Variants in TMEM232 observed in about 807,000 individuals in gnomAD.
TMEM232 encodes transmembrane protein 232.
Under a neutral mutation model 78.8 loss-of-function variants are expected in TMEM232, and 80 were observed. The observed-to-expected ratio is 1.01, with a 90% CI of 0.85 to 1.22. TMEM232 has a LOEUF of 1.22. TMEM232 is among the 50% of genes most tolerant of loss of function. The pLI is 0.00. For synonymous variants in TMEM232, 297 were observed against 254.3 expected (o/e 1.17, Z -1.60); for missense variants, 881 against 742.2 (o/e 1.19, Z -2.17).
intron 10 of TMEM232, among the ~76,000 whole-genome samples, chr5:110,597,830 G>A (rs1038602736): frequency 9.2e-5 from 14 of 151,998 alleles, no homozygotes; most frequent in African/African-American, 2.9e-4. Flanking sequence ...GCTGAAACTG[G>A]ATCCCTTCCC....
At chr5:110,448,076 ATAAAC>A in intron 12 of TMEM232, among the ~76,000 whole-genome samples, 1 of 152,062 alleles carries the variant, frequency 6.6e-6, no homozygotes, top group African/African-American at 2.4e-5. Context: ...TAAAGAAAAA[ATAAAC>A]TATAAGAACA....
intron 1 of TMEM232, among the ~76,000 whole-genome samples, chr5:110,699,759 T>G (rs919825185): frequency 6.6e-6 from 1 of 152,068 alleles, no homozygotes; most frequent in Non-Finnish European, 1.5e-5. Context: ...AGAACTGCCT[T>G]GTCCAGATTT....
At chr5:110,425,053 T>G (rs1365646983) in intron 12 of TMEM232, 137 bp from the exon 13 acceptor site, 3 of 700,580 alleles carry the variant, frequency 4.3e-6, no homozygotes, top group Non-Finnish European at 7.0e-6. Context: ...TTGTGTAGAC[T>G]ATGGTATGTT....
chr5:110,632,226 T>C (rs142173674), intron 5 of TMEM232, among the ~76,000 whole-genome samples: 12 of 151,130 alleles, frequency 7.9e-5, no homozygotes, highest in Admixed American at 7.2e-4. Flanking sequence ...ACCAACACTA[T>C]GATACATTTT....
At chr5:110,613,406 A>C (rs1782553164) in intron 8 of TMEM232, among the ~76,000 whole-genome samples, 1 of 152,134 alleles carries the variant, frequency 6.6e-6, no homozygotes, top group Admixed American at 6.6e-5. Flanking sequence ...TATAAATAAA[A>C]TTTCTTCTGA....
chr5:110,507,576 G>C (rs989915815), intron 12 of TMEM232, among the ~76,000 whole-genome samples: 1 of 152,212 alleles, frequency 6.6e-6, no homozygotes, highest in Non-Finnish European at 1.5e-5. Flanking sequence ...TCAGAGTGGA[G>C]TTAATTGCCC....
intron 12 of TMEM232, among the ~76,000 whole-genome samples, chr5:110,457,035 A>T (rs907754284): frequency 6.6e-6 from 1 of 152,156 alleles, no homozygotes; most frequent in African/African-American, 2.4e-5. Flanking sequence ...GACTTCATCA[A>T]GAATAAAAAC....
chr5:110,442,642 T>A (rs1362623678), intron 12 of TMEM232, among the ~76,000 whole-genome samples: 1 of 152,114 alleles, frequency 6.6e-6, no homozygotes, highest in Non-Finnish European at 1.5e-5. Context: ...TTTAGTTTGT[T>A]TGCTGAAGTC....
chr5:110,731,619 A>C (rs1798687648), upstream of TMEM232, among the ~76,000 whole-genome samples: 1 of 152,180 alleles, frequency 6.6e-6, no homozygotes, highest in Non-Finnish European at 1.5e-5. Flanking sequence ...CCACAGCCCA[A>C]GCTCTACACT....
At chr5:110,637,712 G>C (rs1375225262) in intron 5 of TMEM232, among the ~76,000 whole-genome samples, 2 of 151,916 alleles carry the variant, frequency 1.3e-5, no homozygotes, top group East Asian at 1.9e-4. Flanking sequence ...TCATCACTGA[G>C]AGTGAAACAA....
At chr5:110,423,992 G>A (rs1186370474) in intron 13 of TMEM232, among the ~76,000 whole-genome samples, 2 of 152,076 alleles carry the variant, frequency 1.3e-5, no homozygotes, top group African/African-American at 4.8e-5. Context: ...ATAGAATATT[G>A]CAGCTCTCGT....
intron 1 of TMEM232, among the ~76,000 whole-genome samples, chr5:110,704,819 T>C (rs1369671920): frequency 1.3e-5 from 2 of 152,094 alleles, no homozygotes; most frequent in Non-Finnish European, 2.9e-5. Flanking sequence ...AGTAGATCAC[T>C]GTATTACTAT....
chr5:110,738,940 T>C, upstream of TMEM232: 5 of 1,430,182 alleles, frequency 3.5e-6, no homozygotes, highest in South Asian at 3.0e-5. Context: ...CCTTTAATGG[T>C]TGCCGGAAGA....
At chr5:110,489,195 A>G (rs769093467) in intron 12 of TMEM232, among the ~76,000 whole-genome samples, 35 of 151,876 alleles carry the variant, frequency 2.3e-4, no homozygotes, top group Non-Finnish European at 3.4e-4. Flanking sequence ...TTTTCCGGAT[A>G]CCAAAGCCAG....
intron 13 of TMEM232, among the ~76,000 whole-genome samples, chr5:110,422,368 AAAT>A (rs896874605): frequency 5.3e-5 from 8 of 151,752 alleles, no homozygotes; most frequent in African/African-American, 1.5e-4. Flanking sequence ...AATACAAAAA[AAAT>A]TAGCCGGGCG....
At chr5:110,619,743 T>C (rs964981756) in intron 7 of TMEM232, among the ~76,000 whole-genome samples, 10 of 152,166 alleles carry the variant, frequency 6.6e-5, no homozygotes, top group Admixed American at 6.5e-4. Context: ...CAAATTGCTC[T>C]AGTTGTCTCA....
intron 1 of TMEM232, among the ~76,000 whole-genome samples, chr5:110,691,371 T>G (rs186563182): frequency 8.2e-4 from 125 of 152,348 alleles, no homozygotes; most frequent in African/African-American, 2.8e-3. Flanking sequence ...GCCCTTTGTC[T>G]TTGATGCAAA....
chr5:110,475,149 GAAC>G (rs1157170626), intron 12 of TMEM232, among the ~76,000 whole-genome samples: 2 of 151,888 alleles, frequency 1.3e-5, no homozygotes, highest in Non-Finnish European at 2.9e-5. Flanking sequence ...TAGACCAATG[GAAC>G]AATAGAGAGT....
At chr5:110,521,593 CTTAAT>C (rs899800765) in intron 12 of TMEM232, among the ~76,000 whole-genome samples, 20 of 152,102 alleles carry the variant, frequency 1.3e-4, no homozygotes, top group Non-Finnish European at 8.8e-5. Context: ...TCATGTCTTA[CTTAAT>C]TTAAGTCTTT....
Sources: allele counts gnomAD v4.1 joint callset (sites outside exome capture counted in the v4.1 genomes callset), GRCh38; gene constraint gnomAD v4.1.1; transcripts MANE v1.5; gene names NCBI Gene and HGNC (gene_info 2026-07-23, HGNC 2026-07-21).